The following HADH variants were observed in gnomAD, a reference collection of about 807,000 sequenced individuals.
HADH encodes the protein hydroxyacyl-CoA dehydrogenase, also known as hydroxyacyl-coenzyme A dehydrogenase, mitochondrial.
HADH carries 24 observed loss-of-function variants against 32.2 expected under a neutral mutation model. The observed-to-expected ratio is 0.75, with a 90% CI of 0.54 to 1.05. The LOEUF (loss-of-function observed/expected upper bound fraction) is 1.05, where lower values mean the gene tolerates loss of function less well. HADH is among the 50% of genes least tolerant of loss of function. The probability of loss-of-function intolerance (pLI) is 0.00; values close to 1 mark genes in which losing one functional copy is unlikely to be tolerated. For missense variants in HADH, 350 were observed against 397.1 expected (o/e 0.88, Z 1.01); for synonymous variants, 139 against 152.5 (o/e 0.91, Z 0.65).
intron 5 of HADH, chr4:108,025,088 G>C (rs1736015903): frequency 1.3e-5 from 2 of 152,226 alleles, no homozygotes; most frequent in Non-Finnish European, 2.9e-5. Flanking sequence ...TACAGTCTCT[G>C]TTGCAAGTAG....
At chr4:108,026,967 GGCATA>G (rs1203459306) in intron 5 of HADH, 1 of 153,092 alleles carries the variant, frequency 6.5e-6, no homozygotes, top group Non-Finnish European at 1.5e-5. Flanking sequence ...ATGGATGAAA[GGCATA>G]TGTGGCACAG....
chr4:108,009,994 T>TC, intron 2 of HADH, 107 bp downstream of exon 2: 2 of 830,586 alleles, frequency 2.4e-6, no homozygotes, highest in Admixed American at 2.4e-5. Context: ...TTTTTTTTTT[T>TC]CAGTTTGTTA....
At chr4:108,010,275 T>C (rs972462028) in intron 2 of HADH, among the ~76,000 whole-genome samples, 2 of 152,142 alleles carry the variant, frequency 1.3e-5, no homozygotes, top group East Asian at 1.9e-4. Flanking sequence ...GAGAATGATA[T>C]AATAAATATG....
intron 1 of HADH, among the ~76,000 whole-genome samples, chr4:108,000,689 G>GCTAACATAA (rs1735096419): frequency 1.3e-5 from 2 of 152,180 alleles, no homozygotes; most frequent in Non-Finnish European, 2.9e-5. Flanking sequence ...GAGAGATGGT[G>GCTAACATAA]TCCATGTTAG....
intron 1 of HADH, among the ~76,000 whole-genome samples, chr4:108,005,787 C>T (rs1050919959): frequency 1.3e-5 from 2 of 152,174 alleles, no homozygotes; most frequent in Non-Finnish European, 2.9e-5. Context: ...GTTATTAGGG[C>T]TGGCAAACCT....
At chr4:108,009,713 T>C (rs1735416927) in intron 1 of HADH, 46 bp from the exon 2 acceptor site, 2 of 1,599,396 alleles carry the variant, frequency 1.3e-6, no homozygotes, top group African/African-American at 2.7e-5. Context: ...GCGTGCGTGT[T>C]ATGTTTTCTT....
rs1735809175 is a variant in HADH, at chr4:108,019,569, C to T, written c.449C>T (p.Ser150Phe). ...ACAATCTTTGCCAGCAACACTTCCT[C>T]CTTGCAGATTACAAGCATAGCTAAT... The part of the protein sequence containing the change: ...EHTIFASNTS[S>F]LQITSIANAT... Residue 150 changes from serine (S) to phenylalanine (F), a missense_variant, in exon 4 of 8, where the codon TCC becomes TTC. Transcript: ENST00000309522. 1.2e-6 allele frequency: 2 copies of T among 1,613,694 alleles called. No homozygotes were observed. Among genetic ancestry groups the T allele is most frequent in the African/African-American group, 2.7e-5 (2 of 74,920 alleles).
chr4:108,003,906 C>T (rs1162213889), intron 1 of HADH, among the ~76,000 whole-genome samples: 1 of 152,086 alleles, frequency 6.6e-6, no homozygotes, highest in Non-Finnish European at 1.5e-5. Flanking sequence ...ATTTAACCCT[C>T]CCAACAACCC....
chr4:108,015,896 G>A (rs1007374729), intron 3 of HADH, among the ~76,000 whole-genome samples: 5 of 152,072 alleles, frequency 3.3e-5, no homozygotes, highest in Non-Finnish European at 7.4e-5. Context: ...CTCGGGCATA[G>A]GAGTACCCTA....
chr4:108,033,629 T>C (rs1315209194), intron 7 of HADH, among the ~76,000 whole-genome samples: 1 of 152,226 alleles, frequency 6.6e-6, no homozygotes, highest in Non-Finnish European at 1.5e-5. Context: ...AAATTGACAC[T>C]GGTACACTGT....
Position 108,033,255 on chromosome 4 carries a change from T to G in HADH, c.789T>G (p.Asp263Glu). 1 of 1,601,098 alleles carries G rather than the reference T, an allele frequency of 6.2e-7. No individual in the cohort carries two copies. The highest frequency in any genetic ancestry group is 8.6e-7 in the Non-Finnish European group (1 of 1,168,270). Residue 263 changes from aspartate to glutamate, a missense_variant, in exon 7 of 8, where the codon GAT becomes GAG. By Grantham distance (45) the Asp-to-Glu change is conservative (BLOSUM62 2). Coordinates refer to ENST00000309522, the MANE Select transcript of HADH (RefSeq NM_005327.7). ...CCATGGGCCCATTTGAGCTTCTAGA[T>G]TATGTCGGACTGGATACTACGAAGT... ...GYPMGPFELL[D>E]YVGLDTTKFI... is the part of the protein sequence containing the mutation.
At position 108,033,285 on chromosome 4, in the gene HADH, C is replaced by T. The variant is rs754693316; in HGVS notation, c.819C>T (p.Ile273=). The T allele has an allele frequency of 2.9e-5, 43 of 1,502,732 alleles. 1 individual carries two copies. The South Asian group carries it at 3.2e-4, about 11-fold the overall frequency. 93.1% of individuals were successfully genotyped at this position (1,502,732 alleles called of 1,614,324 possible). The change falls in exon 7 of 8, where the codon ATC becomes ATT. Residue 273 remains isoleucine (I), a synonymous_variant. Coordinates refer to ENST00000309522, the MANE Select transcript of HADH (RefSeq NM_005327.7). ...DYVGLDTTKF[I]VDGWHEMDAE... ...TCGGACTGGATACTACGAAGTTCAT[C>T]GTGGATGGTAGGAATTGGAATTTTT...
At chr4:108,032,540 G>A (rs1736307555) in intron 6 of HADH, 2 of 531,100 alleles carry the variant, frequency 3.8e-6, no homozygotes, top group African/African-American at 3.8e-5. Flanking sequence ...TCAAAAATAT[G>A]CTGTAGCATT....
intron 5 of HADH, chr4:108,024,593 T>A (rs982548879): frequency 6.6e-6 from 1 of 152,198 alleles, no homozygotes; most frequent in Non-Finnish European, 1.5e-5. Flanking sequence ...GGGAGTCTCA[T>A]GCTTTAACAC....
At chr4:108,017,994 C>T (rs1277730673) in intron 3 of HADH, among the ~76,000 whole-genome samples, 1 of 152,134 alleles carries the variant, frequency 6.6e-6, no homozygotes, top group Non-Finnish European at 1.5e-5. Flanking sequence ...ATCATTTCCT[C>T]CTTCTGATAA....
chr4:108,032,595 G>A, intron 6 of HADH: 1 of 458,678 alleles, frequency 2.2e-6, no homozygotes. Flanking sequence ...AAATCCCAAT[G>A]TATTTGAAAG....
intron 1 of HADH, among the ~76,000 whole-genome samples, chr4:107,998,062 T>C (rs1374669612): frequency 6.6e-6 from 1 of 152,208 alleles, no homozygotes; most frequent in East Asian, 1.9e-4. Flanking sequence ...TCAGTCAACA[T>C]TCCCTGAGGG....
Position 108,006,188 on chromosome 4 carries a change from G to T in HADH, c.133-3571G>T, listed in dbSNP as rs116320179. ...CTTGACCTTTCCTTAGGGAGTGTGT[G>T]GGGGAGGAGTCTTCCCAAAAGTGTC... On this transcript the variant is annotated intron_variant, in intron 1 of 7. Coordinates refer to ENST00000309522, the MANE Select transcript of HADH (RefSeq NM_005327.7). Among the ~76,000 whole-genome samples, 500 of 152,244 alleles carry T rather than the reference G, an allele frequency of 3.3e-3. 3 individuals are homozygous for T. Among genetic ancestry groups the T allele is most frequent in the African/African-American group, 0.012 (484 of 41,538 alleles).
At chr4:107,998,398 G>A (rs1735017090) in intron 1 of HADH, among the ~76,000 whole-genome samples, 1 of 152,188 alleles carries the variant, frequency 6.6e-6, no homozygotes, top group Non-Finnish European at 1.5e-5. Context: ...TTCTGCCTCA[G>A]CCTCCTGAGG....
Sources: gnomAD v4.1 joint callset for allele counts (sites outside exome capture counted in the v4.1 genomes callset) on GRCh38, gnomAD v4.1.1 for gene constraint, MANE v1.5 for transcripts, NCBI Gene and HGNC (gene_info 2026-07-23, HGNC 2026-07-21) for gene names.